The following FBXO11 variants were observed in gnomAD, a reference collection of about 807,000 sequenced individuals.
FBXO11 encodes the protein F-box only protein 11.
Under a neutral mutation model 117.0 loss-of-function variants are expected in FBXO11, and 13 were observed. The observed-to-expected ratio is 0.11, with a 90% confidence interval of 0.07 to 0.18. The LOEUF is 0.18. Among genes scored for constraint, FBXO11 ranks in the 10% least tolerant of loss-of-function variants. The pLI, the probability that FBXO11 is intolerant of heterozygous loss-of-function variation, is 1.00. For synonymous variants in FBXO11, 490 were observed against 380.5 expected, an observed-to-expected ratio of 1.29 and a Z score of -3.35; for missense variants, 767 against 1,164.4, an observed-to-expected ratio of 0.66 and a Z score of 4.97.
At chr2:47,874,380 C>A (rs1457497057) in intron 1 of FBXO11, among the ~76,000 whole-genome samples, 1 of 151,866 alleles carries the variant, frequency 6.6e-6, no homozygotes, top group Non-Finnish European at 1.5e-5. Context: ...TACCTGGGTC[C>A]AAAGGATGCC....
intron 1 of FBXO11, among the ~76,000 whole-genome samples, chr2:47,899,546 T>C (rs867220957): frequency 6.6e-5 from 10 of 152,196 alleles, no homozygotes; most frequent in East Asian, 1.9e-4. Flanking sequence ...AGAGGTAACA[T>C]TGCTCACCAA....
At chr2:47,866,564 C>A (rs2103792930) in intron 1 of FBXO11, among the ~76,000 whole-genome samples, 1 of 151,918 alleles carries the variant, frequency 6.6e-6, no homozygotes, top group African/African-American at 2.4e-5. Flanking sequence ...AACTCCGCCT[C>A]TCGGGTTCAA....
intron 1 of FBXO11, among the ~76,000 whole-genome samples, chr2:47,902,382 C>T (rs949296461): frequency 2.0e-5 from 3 of 152,128 alleles, no homozygotes; most frequent in African/African-American, 7.2e-5. Flanking sequence ...ATACCCAGAC[C>T]AATATTTCCT....
rs1265962489 is a variant in FBXO11, at chr2:47,906,033, G to A, written c.-313C>T. 1 of 279,562 alleles carries A rather than the reference G, an allele frequency of 3.6e-6. No homozygotes were observed. Among genetic ancestry groups the A allele is most frequent in the Non-Finnish European group, 6.8e-6 (1 of 148,072 alleles). The allele number at this position is 279,562 out of a possible 1,614,324, so 17.3% of individuals were successfully genotyped here. On this transcript the variant is annotated 5_prime_UTR_variant, in exon 1 of 23. Coordinates refer to ENST00000403359, the MANE Select transcript of FBXO11 (RefSeq NM_001190274.2). ...GGGCAGACCGAGAGAAAGAAAGAAAGGGCGTCCGCCGCTTGGGGATCCCGA... is the reference window on the plus strand; with the variant it reads ...GGGCAGACCGAGAGAAAGAAAGAAAAGGCGTCCGCCGCTTGGGGATCCCGA...
chr2:47,828,010 A>C (rs1277490535), intron 11 of FBXO11, among the ~76,000 whole-genome samples: 3 of 152,066 alleles, frequency 2.0e-5, no homozygotes, highest in Non-Finnish European at 4.4e-5. Context: ...TTTTTTAAGA[A>C]GACGGGAATC....
intron 7 of FBXO11, 89 bp downstream of exon 7, chr2:47,834,490 A>C (rs1298658128): frequency 2.0e-6 from 2 of 975,690 alleles, no homozygotes; most frequent in East Asian, 2.6e-5. Context: ...ATATTATAAA[A>C]CTGGATTTTA....
At chr2:47,891,195 G>C (rs1037770335) in intron 1 of FBXO11, among the ~76,000 whole-genome samples, 6 of 152,074 alleles carry the variant, frequency 3.9e-5, no homozygotes, top group Non-Finnish European at 8.8e-5. Flanking sequence ...ATACAGTACT[G>C]TTGACTATAG....
chr2:47,821,425 A>G (rs942771407), intron 13 of FBXO11, among the ~76,000 whole-genome samples: 2 of 152,104 alleles, frequency 1.3e-5, no homozygotes, highest in African/African-American at 2.4e-5. Flanking sequence ...CCTGGCTAAC[A>G]TGGTGAAACC....
At chr2:47,838,489 A>C (rs1374007774) in intron 4 of FBXO11, among the ~76,000 whole-genome samples, 2 of 147,050 alleles carry the variant, frequency 1.4e-5, no homozygotes, top group Non-Finnish European at 2.9e-5. Context: ...GAATTATTTA[A>C]AGATTCATGA....
chr2:47,826,624 G>A (rs1671773000), intron 11 of FBXO11, among the ~76,000 whole-genome samples: 1 of 152,012 alleles, frequency 6.6e-6, no homozygotes, highest in African/African-American at 2.4e-5. Flanking sequence ...CTTAATTTTG[G>A]TTAGATTAGT....
At chr2:47,901,633 T>C (rs1402127985) in intron 1 of FBXO11, among the ~76,000 whole-genome samples, 1 of 152,038 alleles carries the variant, frequency 6.6e-6, no homozygotes, top group Non-Finnish European at 1.5e-5. Flanking sequence ...TGGAGTCTCA[T>C]TCTGTCACCC....
chr2:47,839,735 T>A lies in FBXO11; in HGVS notation c.267A>T (p.Glu89Asp). 1 of 1,614,020 alleles carries A rather than the reference T, an allele frequency of 6.2e-7. No individual in the cohort carries two copies. Among genetic ancestry groups the A allele is most frequent in the South Asian group, 1.1e-5 (1 of 91,030 alleles). Residue 89 changes from glutamate to aspartate, a missense_variant, in exon 2 of 23, where the codon GAA becomes GAT. Physicochemically the swap from Glu to Asp is conservative, Grantham distance 45. This residue lies in a region of FBXO11 where 355 missense variants were observed against 299.8 expected (regional missense o/e 1.18). Coordinates refer to ENST00000403359, the MANE Select transcript of FBXO11 (RefSeq NM_001190274.2). ...DDVPADMVAE[E>D]SGPGAQNSPY... Reference sequence around the variant, plus strand: ...GACTATTTTGTGCACCAGGACCTGATTCTTCTGCAACCATATCTGCAGGCA... The same window carrying A: ...GACTATTTTGTGCACCAGGACCTGAATCTTCTGCAACCATATCTGCAGGCA...
intron 1 of FBXO11, among the ~76,000 whole-genome samples, chr2:47,886,996 G>A (rs868287570): frequency 6.6e-6 from 1 of 152,084 alleles, no homozygotes; most frequent in Non-Finnish European, 1.5e-5. Flanking sequence ...CTGGGTAAAA[G>A]AGCGACAGGG....
intron 16 of FBXO11, among the ~76,000 whole-genome samples, chr2:47,814,648 G>A (rs1393563234): frequency 2.6e-5 from 4 of 151,960 alleles, no homozygotes; most frequent in Non-Finnish European, 5.9e-5. Flanking sequence ...CAAAGTGCTG[G>A]GATTACAGGC....
chr2:47,891,870 T>C (rs1677282950), intron 1 of FBXO11, among the ~76,000 whole-genome samples: 1 of 152,224 alleles, frequency 6.6e-6, no homozygotes, highest in South Asian at 2.1e-4. Flanking sequence ...TGATGATTAA[T>C]GATGTTGAGT....
chr2:47,863,797 T>C (rs1214661528), intron 1 of FBXO11, among the ~76,000 whole-genome samples: 1 of 152,024 alleles, frequency 6.6e-6, no homozygotes, highest in Admixed American at 6.6e-5. Context: ...AAAAATAAGC[T>C]GGGTATGGTG....
intron 1 of FBXO11, among the ~76,000 whole-genome samples, chr2:47,852,439 A>C (rs192483277): frequency 3.3e-5 from 5 of 152,350 alleles, no homozygotes; most frequent in Non-Finnish European, 5.9e-5. Context: ...TGTTTTTTAC[A>C]AATCAAGTAA....
chr2:47,851,775 G>A (rs1673881601), intron 1 of FBXO11, among the ~76,000 whole-genome samples: 1 of 152,282 alleles, frequency 6.6e-6, no homozygotes, highest in Admixed American at 6.5e-5. Flanking sequence ...TTCTAGAAAT[G>A]TCTTTAGTTT....
At chr2:47,844,150 A>G (rs2104900559) in intron 1 of FBXO11, among the ~76,000 whole-genome samples, 1 of 152,334 alleles carries the variant, frequency 6.6e-6, no homozygotes, top group East Asian at 1.9e-4. Flanking sequence ...TTCCATGATT[A>G]TATTTTTAAT....
Sources: gnomAD v4.1 joint callset for allele counts (sites outside exome capture counted in the v4.1 genomes callset) on GRCh38, gnomAD v4.1.1 for gene constraint, gnomAD v4.1.1 regional missense constraint, MANE v1.5 for transcripts, NCBI Gene and HGNC (gene_info 2026-07-23, HGNC 2026-07-21) for gene names.